The following ADGRD2 variants were observed in gnomAD, a reference collection of about 807,000 sequenced individuals.
The protein encoded by ADGRD2 is G protein-coupled receptor PGR24.
ADGRD2 carries 71 observed loss-of-function variants against 44.4 expected under a neutral mutation model. That is an observed-to-expected ratio of 1.60 (90% CI 1.32 to 1.95). The LOEUF (loss-of-function observed/expected upper bound fraction) is 1.95, where lower values mean the gene tolerates loss of function less well. ADGRD2 is among the 30% of genes most tolerant of loss of function. The probability of loss-of-function intolerance (pLI) is 0.00; values close to 1 mark genes in which losing one functional copy is unlikely to be tolerated. For synonymous variants in ADGRD2, 481 were observed against 224.8 expected (o/e 2.14, Z -10.19); for missense variants, 1,039 against 512.4 (o/e 2.03, Z -9.92).
chr9:124,474,981 T>C (rs1216410754), intron 17 of ADGRD2, among the ~76,000 whole-genome samples: 1 of 152,156 alleles, frequency 6.6e-6, no homozygotes, highest in Non-Finnish European at 1.5e-5. Flanking sequence ...CATCTCCCCT[T>C]TCCAGATGAA....
chr9:124,477,783 C>A (rs1243391696), intron 21 of ADGRD2, among the ~76,000 whole-genome samples: 2 of 152,074 alleles, frequency 1.3e-5, no homozygotes, highest in Non-Finnish European at 2.9e-5. Flanking sequence ...AGGCGCCCCC[C>A]GGGGCCAGCG....
intron 10 of ADGRD2, among the ~76,000 whole-genome samples, chr9:124,458,969 T>A (rs7850739): frequency 0.32 from 48,398 of 152,050 alleles, 9,343 homozygotes; most frequent in African/African-American, 0.54. Flanking sequence ...CATCCAAAGC[T>A]TGGGAGGGCT....
rs372767846 is a variant in ADGRD2 at position 124,452,624 on chromosome 9, T to G, written c.185T>G (p.Leu62Trp). The G allele has an allele frequency of 3.1e-4, 221 of 718,362 alleles. 1 individual carries two copies. The highest frequency in any genetic ancestry group is 2.8e-3 in the South Asian group (192 of 67,602). The allele number at this position is 718,362 out of a possible 1,614,324, so 44.5% of individuals were successfully genotyped here. The change falls in exon 2 of 22, where the codon TTG becomes TGG. Residue 62 changes from leucine (L) to tryptophan (W), a missense_variant. Transcript: ENST00000334810. Reference sequence around the variant, plus strand: ...TCCTGCGAGCAGCAGTTTGGCCACTTGGCACTGCAGCCCCCTGATGGGGTT... The same window carrying G: ...TCCTGCGAGCAGCAGTTTGGCCACTGGGCACTGCAGCCCCCTGATGGGGTT...
upstream of ADGRD2, chr9:124,451,149 C>T (rs775408680): frequency 4.2e-6 from 2 of 472,300 alleles, no homozygotes; most frequent in Non-Finnish European, 8.8e-6. Context: ...CAGAAATGGA[C>T]GCACCTTGGG....
In ADGRD2 at chr9:124,464,759, T is replaced by G. The variant is rs570862155; in HGVS notation, c.1871-1499T>G. Among the ~76,000 whole-genome samples, 18 of 117,638 alleles carry G rather than the reference T, an allele frequency of 1.5e-4. No individual in the cohort carries two copies. The South Asian group carries it at 5.9e-3, about 38-fold the overall frequency. 77.2% of individuals were successfully genotyped at this position (117,638 alleles called of 152,430 possible). A position where few individuals can be genotyped will look rare whatever the true frequency, so the allele number is the denominator to read the frequency against. ...CATCATAACACATTCAACCCAGACC[T>G]AACTACTGTTAAGTTCACTGCATGT... On this transcript the variant is annotated intron_variant, in intron 10 of 21. Coordinates refer to ENST00000334810, the Ensembl canonical transcript of ADGRD2.
chr9:124,459,820 T>TA (rs11459098), intron 10 of ADGRD2, among the ~76,000 whole-genome samples: 94,457 of 151,782 alleles, frequency 0.62, 29,463 homozygotes, highest in Middle Eastern at 0.71. Flanking sequence ...CCATTTTATA[T>TA]AAAAAACTTG....
chr9:124,477,143 T>C (rs1196256557), intron 21 of ADGRD2: 1 of 452,446 alleles, frequency 2.2e-6, no homozygotes, highest in South Asian at 1.7e-5. Flanking sequence ...GAGGGAGAAG[T>C]GCTTTCCTCC....
At position 124,468,515 on chromosome 9, in the gene ADGRD2, A is replaced by G. The variant is rs139280311; in HGVS notation, c.2234-4A>G. On this transcript the variant is annotated splice_polypyrimidine_tract_variant and splice_region_variant and intron_variant, in intron 13 of 21. Coordinates refer to ENST00000334810, the Ensembl canonical transcript of ADGRD2. Reference sequence around the variant, plus strand: ...CCTGGGTGGGGATCCTGACCCTCCCACAGGTGGCATGTGTGGCTGTCACAG... The same window carrying G: ...CCTGGGTGGGGATCCTGACCCTCCCGCAGGTGGCATGTGTGGCTGTCACAG... 2,527 of 718,462 alleles carry G rather than the reference A, an allele frequency of 3.5e-3. 51 individuals are homozygous for G. The African/African-American group carries it at 0.039, about 11-fold the overall frequency. 44.5% of individuals were successfully genotyped at this position (718,462 alleles called of 1,614,324 possible).
In ADGRD2 at chr9:124,456,873, C is replaced by T. The variant is rs565216786; in HGVS notation, c.1505+140C>T. On this transcript the variant is annotated intron_variant, in intron 7 of 21. Coordinates refer to ENST00000334810, the Ensembl canonical transcript of ADGRD2. ...CATGCTGTGCCCTGCATCCAGAATG[C>T]CCTCTCTCCCTCGATCTCCTAGCAA... is the stretch of plus-strand genomic sequence containing the variant. The T allele has an allele frequency of 1.1e-5, 7 of 645,396 alleles. No individual in the cohort carries two copies. In the African/African-American group the frequency reaches 1.2e-4, roughly 11 times the overall value. The allele number at this position is 645,396 out of a possible 1,614,324, so 40.0% of individuals were successfully genotyped here.
chr9:124,474,917 G>T (rs1832015999), intron 17 of ADGRD2, among the ~76,000 whole-genome samples: 1 of 152,200 alleles, frequency 6.6e-6, no homozygotes, highest in African/African-American at 2.4e-5. Context: ...CAGCCACGGT[G>T]TGAGTCCCTC....
At chr9:124,469,600 G>C (rs1320271148) in intron 16 of ADGRD2, 53 bp downstream of exon 19, 1 of 709,176 alleles carries the variant, frequency 1.4e-6, no homozygotes, top group Non-Finnish European at 2.6e-6. Flanking sequence ...ACAGTCAGCC[G>C]GCGCCAGGCG....
At chr9:124,457,214 G>A (rs569558439) in intron 7 of ADGRD2, among the ~76,000 whole-genome samples, 3 of 152,332 alleles carry the variant, frequency 2.0e-5, no homozygotes, top group Admixed American at 6.5e-5. Context: ...CGTGTCCTTC[G>A]GGTACCCACC....
exon 6 of ADGRD2, chr9:124,455,005 G>A (rs77622235): frequency 0.013 from 9,599 of 718,354 alleles, 114 homozygotes; most frequent in Non-Finnish European, 0.019. Flanking sequence ...GGTGGCCCTC[G>A]GGGCTGGGGA....
chr9:124,452,017 C>CCA, upstream of ADGRD2: 1 of 563,664 alleles, frequency 1.8e-6, no homozygotes, highest in Non-Finnish European at 3.4e-6. Flanking sequence ...CACCCACCCC[C>CCA]AGAGTAGGCA....
At chr9:124,468,041 G>A (rs1831862436) in intron 12 of ADGRD2, 47 bp from the exon 16 acceptor site, 2 of 718,034 alleles carry the variant, frequency 2.8e-6, no homozygotes, top group East Asian at 2.7e-5. Context: ...CGGGGTGTGG[G>A]GACCAGCAGT....
At chr9:124,477,768 C>T (rs1258486673) in intron 21 of ADGRD2, among the ~76,000 whole-genome samples, 1 of 152,088 alleles carries the variant, frequency 6.6e-6, no homozygotes. Context: ...CCCACAGGCC[C>T]GCCCAGGCGC....
intron 1 of ADGRD2, 117 bp from the exon 5 acceptor site, chr9:124,452,393 G>T: frequency 1.5e-6 from 1 of 688,468 alleles, no homozygotes; most frequent in Non-Finnish European, 2.7e-6. Context: ...GACATGGGCG[G>T]GTTCAGCCCC....
rs1242129566 is a variant in ADGRD2 at position 124,468,201 on chromosome 9, A to G, written c.2233+11A>G. 1.4e-6 allele frequency: 1 copy of G among 718,222 alleles called. No homozygotes were observed. The highest frequency in any genetic ancestry group is 2.7e-5 in the East Asian group (1 of 37,308). The allele number at this position is 718,222 out of a possible 1,614,324, so 44.5% of individuals were successfully genotyped here. The stretch of plus-strand genomic sequence containing the variant: ...GCCAAGGCCAATGAGGTGGGCAGCC[A>G]GTGGGTGGGCTGGAAGCCCGGGGAA... On this transcript the variant is annotated intron_variant, in intron 13 of 21. Transcript: ENST00000334810.
At chr9:124,452,979 G>GCAGGAC (rs1564136738) in intron 2 of ADGRD2, 56 bp from the exon 6 acceptor site, 1 of 619,884 alleles carries the variant, frequency 1.6e-6, no homozygotes, top group Non-Finnish European at 2.9e-6. Context: ...AAGGGCAGGG[G>GCAGGAC]CAGGACCATG....
Sources: gnomAD v4.1 joint callset for allele counts (sites outside exome capture counted in the v4.1 genomes callset) on GRCh38, gnomAD v4.1.1 for gene constraint, MANE v1.5 for transcripts, NCBI Gene and HGNC (gene_info 2026-07-23, HGNC 2026-07-21) for gene names.